PRKCH: variants seen among roughly 807,000 people sequenced by gnomAD.
PRKCH encodes protein kinase C eta type.
Under a neutral mutation model 82.5 loss-of-function variants are expected in PRKCH, and 28 were observed. The observed-to-expected ratio is 0.34, with a 90% CI of 0.25 to 0.47. The LOEUF is 0.47. PRKCH is among the 20% of genes least tolerant of loss of function. The pLI, the probability that PRKCH is intolerant of heterozygous loss-of-function variation, is 1.00. For synonymous variants in PRKCH, 322 were observed against 327.4 expected, an observed-to-expected ratio of 0.98 and a Z score of 0.18; for missense variants, 705 against 881.8, an observed-to-expected ratio of 0.80 and a Z score of 2.54.
At chr14:61,505,395 CTTTTTTTTTTTTT>C (rs60304150) in intron 10 of PRKCH, among the ~76,000 whole-genome samples, 2 of 55,764 alleles carry the variant, frequency 3.6e-5, no homozygotes, top group African/African-American at 1.3e-4. Flanking sequence ...CTTTTCTTTT[CTTTTTTTTTTTTT>C]TTTTTTTTTT....
Position 61,227,481 on chromosome 14 carries a change from C to T in PRKCH, c.-19+39813C>T, listed in dbSNP as rs775755542. 5.5e-4 allele frequency among the ~76,000 whole-genome samples: 83 copies of T among 152,056 alleles called. 1 individual carries two copies. The highest frequency in any genetic ancestry group is 1.9e-4 in the East Asian group (1 of 5,186). On this transcript the variant is annotated intron_variant, in intron 1 of 3. Coordinates refer to the PRKCH transcript ENST00000555185. Reference sequence around the variant, plus strand: ...TGGTGGCGAGCGCCCGTAGTCCCAGCGACTCGGGAGGCTGAGGCAGGAGAA... The same window carrying T: ...TGGTGGCGAGCGCCCGTAGTCCCAGTGACTCGGGAGGCTGAGGCAGGAGAA...
rs142725512 is a variant in PRKCH, at chr14:61,280,814, A to C, written c.-19+93146A>C. On this transcript the variant is annotated intron_variant, in intron 1 of 3. Coordinates refer to the PRKCH transcript ENST00000555185. This position sits in a 1 kb window ranked among gnomAD's most constrained non-coding sequence, Gnocchi z 5.0. Reference sequence around the variant, plus strand: ...TTCTGGTAGAAGTTGGTCAGCTCGTAGTAGAGGTACACTGGGCCCTGGAAG... The same window carrying C: ...TTCTGGTAGAAGTTGGTCAGCTCGTCGTAGAGGTACACTGGGCCCTGGAAG... 2.0e-5 allele frequency: 31 copies of C among 1,564,600 alleles called. No individual in the cohort carries two copies. The highest frequency in any genetic ancestry group is 2.7e-5 in the Non-Finnish European group (31 of 1,164,286).
At chr14:61,312,546 G>A (rs1198463148) in intron 1 of PRKCH, among the ~76,000 whole-genome samples, 4 of 152,260 alleles carry the variant, frequency 2.6e-5, no homozygotes, top group South Asian at 2.1e-4. Context: ...AGAAATACCC[G>A]AGAATGGGTA....
chr14:61,549,779 A>G lies in PRKCH; in HGVS notation c.2000A>G (p.Asn667Ser). The G allele has an allele frequency of 6.2e-7, 1 of 1,614,130 alleles. No individual in the cohort carries two copies. The change falls in exon 14 of 14, where the codon AAC becomes AGC. Residue 667 changes from asparagine (N) to serine (S), a missense_variant. By Grantham distance (46) the Asn-to-Ser change is conservative (BLOSUM62 1). Transcript: ENST00000332981. ...GATGAGGGACATCTTCCAATGATTA[A>G]CCAGGATGAGTTTAGAAACTTTTCC... ...PIDEGHLPMI[N>S]QDEFRNFSYV...
chr14:61,499,669 C>T (rs1240387879), intron 10 of PRKCH, among the ~76,000 whole-genome samples: 4 of 152,132 alleles, frequency 2.6e-5, no homozygotes, highest in African/African-American at 9.7e-5. Context: ...GAATGGAGTT[C>T]AAAGTTATAT....
intron 9 of PRKCH, among the ~76,000 whole-genome samples, chr14:61,481,990 CTTTT>C (rs35134897): frequency 5.9e-5 from 6 of 101,068 alleles, no homozygotes; most frequent in South Asian, 3.5e-4. Flanking sequence ...TTTCCTTTTC[CTTTT>C]TTTTTTTTTT....
intron 2 of PRKCH, among the ~76,000 whole-genome samples, chr14:61,431,043 G>A (rs941389001): frequency 5.3e-5 from 8 of 152,200 alleles, no homozygotes; most frequent in South Asian, 2.1e-4. Context: ...CGTGAGCCGC[G>A]GCACCCGGCC....
chr14:61,405,903 A>G (rs371108739), intron 2 of PRKCH, among the ~76,000 whole-genome samples: 148 of 151,208 alleles, frequency 9.8e-4, no homozygotes, highest in African/African-American at 3.4e-3. Flanking sequence ...TGTGAGTCCT[A>G]AGATTTGGGA....
At chr14:61,465,455 T>C (rs75766060) in intron 9 of PRKCH, among the ~76,000 whole-genome samples, 2,179 of 152,342 alleles carry the variant, frequency 0.014, 60 homozygotes, top group East Asian at 0.08. Context: ...TATCCAGTTT[T>C]TTCAACACCA....
At chr14:61,344,398 A>T (rs141856497) in intron 1 of PRKCH, 1 of 152,248 alleles carries the variant, frequency 6.6e-6, no homozygotes, top group Non-Finnish European at 1.5e-5. Context: ...TTCCATGAAA[A>T]TAAACTGTTG....
intron 1 of PRKCH, among the ~76,000 whole-genome samples, chr14:61,349,240 T>C (rs979889702): frequency 6.6e-6 from 1 of 152,220 alleles, no homozygotes; most frequent in Non-Finnish European, 1.5e-5. Flanking sequence ...TAGGGGCATG[T>C]CTTGGACTTG....
At chr14:61,286,888 G>A (rs927133591) in intron 1 of PRKCH, among the ~76,000 whole-genome samples, 1 of 151,740 alleles carries the variant, frequency 6.6e-6, no homozygotes, top group African/African-American at 2.4e-5. Flanking sequence ...AACAGCAGAG[G>A]CATTAGGTAT....
At chr14:61,423,378 A>G (rs1453709448) in intron 2 of PRKCH, among the ~76,000 whole-genome samples, 1 of 152,186 alleles carries the variant, frequency 6.6e-6, no homozygotes, top group African/African-American at 2.4e-5. Context: ...CTTGAGGGTA[A>G]AAGGCAGAAA....
chr14:61,210,111 A>AACAAAT (rs1475194510), intron 1 of PRKCH, among the ~76,000 whole-genome samples: 1 of 87,364 alleles, frequency 1.1e-5, no homozygotes, highest in Non-Finnish European at 2.5e-5. Context: ...CAAACAAACA[A>AACAAAT]ATATATATAT....
rs376097504 is a variant in PRKCH at position 61,325,428 on chromosome 14, A to G, written c.363+2964A>G. On this transcript the variant is annotated intron_variant, in intron 1 of 13. Coordinates refer to ENST00000332981, the MANE Select transcript of PRKCH (RefSeq NM_006255.5). The stretch of plus-strand genomic sequence containing the variant: ...AACAACTGGATAGCCACATACAGTA[A>G]TATGAGCCTTGACACTTACCTCACA... Among the ~76,000 whole-genome samples the G allele has an allele frequency of 3.3e-5, 5 of 152,362 alleles. No homozygotes were observed. In the East Asian group the frequency reaches 7.7e-4, roughly 24 times the overall value.
chr14:61,520,308 C>A (rs1352831140), intron 10 of PRKCH, among the ~76,000 whole-genome samples: 1 of 151,810 alleles, frequency 6.6e-6, no homozygotes, highest in Non-Finnish European at 1.5e-5. Context: ...TCCTCCTTTT[C>A]TTTATCCCTC....
intron 10 of PRKCH, among the ~76,000 whole-genome samples, chr14:61,492,810 C>G (rs1331260938): frequency 2.0e-5 from 3 of 152,130 alleles, no homozygotes; most frequent in African/African-American, 7.2e-5. Context: ...GGAGTTTTCC[C>G]AGGGTATCTT....
intron 1 of PRKCH, among the ~76,000 whole-genome samples, chr14:61,204,780 A>C (rs2044509669): frequency 6.8e-6 from 1 of 147,072 alleles, no homozygotes; most frequent in Non-Finnish European, 1.5e-5. Context: ...AAAAAAAAAG[A>C]AAAGAAATAA....
intron 2 of PRKCH, among the ~76,000 whole-genome samples, chr14:61,391,614 G>A (rs1384278834): frequency 6.6e-6 from 1 of 151,804 alleles, no homozygotes; most frequent in Non-Finnish European, 1.5e-5. Flanking sequence ...TTGGTTTTGT[G>A]CCATCTTTTA....
Sources: gnomAD v4.1 joint callset for allele counts (sites outside exome capture counted in the v4.1 genomes callset) on GRCh38, gnomAD v4.1.1 for gene constraint, Gnocchi (gnomAD v3.1) non-coding constraint, MANE v1.5 for transcripts, NCBI Gene and HGNC (gene_info 2026-07-23, HGNC 2026-07-21) for gene names.